LTBP1: variants seen among roughly 807,000 people sequenced by gnomAD.
LTBP1 encodes the protein latent transforming growth factor beta binding protein 1, also known as latent-transforming growth factor beta-binding protein 1.
LTBP1 carries 129 observed loss-of-function variants against 207.6 expected under a neutral mutation model. The ratio of observed to expected loss-of-function variants is 0.62; its 90% confidence interval spans 0.54 to 0.72. The LOEUF (loss-of-function observed/expected upper bound fraction) is 0.72, where lower values mean the gene tolerates loss of function less well. LTBP1 is among the 30% of genes least tolerant of loss of function. The pLI, the probability that LTBP1 is intolerant of heterozygous loss-of-function variation, is 0.00. For synonymous variants in LTBP1, 963 were observed against 833.7 expected (o/e 1.16, Z -2.67); for missense variants, 2,281 against 2,217.2 (o/e 1.03, Z -0.58).
chr2:33,082,338 A>G (rs531355344), intron 3 of LTBP1, among the ~76,000 whole-genome samples: 13 of 150,916 alleles, frequency 8.6e-5, no homozygotes, highest in Non-Finnish European at 1.2e-4. Context: ...CCTAGTCTGT[A>G]GTATTGTTAT....
At chr2:33,281,108 C>T (rs185806148) in intron 19 of LTBP1, among the ~76,000 whole-genome samples, 70 of 152,228 alleles carry the variant, frequency 4.6e-4, no homozygotes, top group Non-Finnish European at 7.4e-4. Flanking sequence ...TGTATATCCC[C>T]AGAGTTGTAC....
intron 31 of LTBP1, among the ~76,000 whole-genome samples, chr2:33,378,315 T>C (rs1433660867): frequency 6.6e-6 from 1 of 151,778 alleles, no homozygotes; most frequent in Non-Finnish European, 1.5e-5. Flanking sequence ...AACTTCTGCC[T>C]CCTGGGTTCA....
chr2:33,387,561 T>G (rs1322254841), intron 31 of LTBP1, among the ~76,000 whole-genome samples: 2 of 152,188 alleles, frequency 1.3e-5, no homozygotes, highest in African/African-American at 4.8e-5. Context: ...CCCTATCCAG[T>G]GGTTCAAGGT....
chr2:33,350,123 A>G (rs985502164), intron 26 of LTBP1, among the ~76,000 whole-genome samples: 4 of 152,272 alleles, frequency 2.6e-5, no homozygotes, highest in African/African-American at 7.2e-5. Flanking sequence ...TTTTTAGACT[A>G]GGATTCAAAT....
At chr2:33,142,208 C>T (rs1158964773) in intron 5 of LTBP1, among the ~76,000 whole-genome samples, 3 of 152,002 alleles carry the variant, frequency 2.0e-5, no homozygotes, top group African/African-American at 4.8e-5. Flanking sequence ...CCCACCACCA[C>T]GCCCGGCTAA....
intron 30 of LTBP1, among the ~76,000 whole-genome samples, chr2:33,364,709 A>T (rs1318144950): frequency 6.6e-6 from 1 of 152,194 alleles, no homozygotes; most frequent in Non-Finnish European, 1.5e-5. Flanking sequence ...GAGGATGTGG[A>T]TAAGGCTCAG....
intron 3 of LTBP1, among the ~76,000 whole-genome samples, chr2:33,088,090 G>A (rs906531301): frequency 1.3e-5 from 2 of 152,210 alleles, no homozygotes; most frequent in Non-Finnish European, 2.9e-5. Flanking sequence ...ATAATACAAA[G>A]TTTTACAAAT....
intron 20 of LTBP1, among the ~76,000 whole-genome samples, chr2:33,296,748 A>G (rs1466014769): frequency 3.9e-5 from 6 of 152,164 alleles, no homozygotes; most frequent in Admixed American, 6.5e-5. Context: ...TTTTAAAAAA[A>G]GGCAGCATAT....
At chr2:33,182,471 G>T (rs1470305833) in intron 5 of LTBP1, among the ~76,000 whole-genome samples, 1 of 151,552 alleles carries the variant, frequency 6.6e-6, no homozygotes, top group African/African-American at 2.4e-5. Flanking sequence ...AACCATCCTG[G>T]CTAACACGGT....
At chr2:33,272,713 G>A (rs928916110) in intron 15 of LTBP1, among the ~76,000 whole-genome samples, 8 of 152,228 alleles carry the variant, frequency 5.3e-5, no homozygotes, top group African/African-American at 9.6e-5. Flanking sequence ...AAGGGCAGCA[G>A]CATTTGTGCC....
intron 3 of LTBP1, among the ~76,000 whole-genome samples, chr2:33,044,335 A>C (rs1284768137): frequency 6.6e-6 from 1 of 151,226 alleles, no homozygotes; most frequent in Non-Finnish European, 1.5e-5. Flanking sequence ...TCATTGTTCA[A>C]CTCCCACTTA....
intron 9 of LTBP1, among the ~76,000 whole-genome samples, chr2:33,224,102 A>C (rs528078929): frequency 1.5e-4 from 23 of 152,278 alleles, no homozygotes; most frequent in Middle Eastern, 6.8e-3. Context: ...TGGGCCATCT[A>C]ACCTTATATG....
At chr2:33,287,594 C>G (rs1318306792) in intron 19 of LTBP1, among the ~76,000 whole-genome samples, 3 of 152,146 alleles carry the variant, frequency 2.0e-5, no homozygotes, top group Admixed American at 1.3e-4. Context: ...AGATAAAATG[C>G]TCCTTTGGAA....
At chr2:33,210,169 G>C (rs1222544466) in intron 7 of LTBP1, among the ~76,000 whole-genome samples, 2 of 152,312 alleles carry the variant, frequency 1.3e-5, no homozygotes, top group South Asian at 4.1e-4. Context: ...CTGGGAGTTT[G>C]CTTTGTGTTC....
At chr2:33,161,206 CAAT>C (rs886475973) in intron 5 of LTBP1, among the ~76,000 whole-genome samples, 5 of 150,382 alleles carry the variant, frequency 3.3e-5, no homozygotes, top group Non-Finnish European at 5.9e-5. Flanking sequence ...AGAAATCCAA[CAAT>C]TGTTAGTATC....
At chr2:33,253,002 T>G (rs1408568712) in intron 11 of LTBP1, among the ~76,000 whole-genome samples, 158 bp downstream of exon 11, 1 of 152,256 alleles carries the variant, frequency 6.6e-6, no homozygotes, top group East Asian at 1.9e-4. Context: ...ACATACAATG[T>G]TGAATCAGTG....
intron 31 of LTBP1, among the ~76,000 whole-genome samples, chr2:33,388,095 T>G (rs1197395394): frequency 6.6e-6 from 1 of 152,208 alleles, no homozygotes; most frequent in Non-Finnish European, 1.5e-5. Flanking sequence ...CTAGACCTTC[T>G]CAATAACTCT....
chr2:33,351,587 C>T lies in LTBP1; in HGVS notation c.4000+4077C>T, dbSNP rs550342894. Among the ~76,000 whole-genome samples the T allele has an allele frequency of 3.7e-4, 57 of 152,334 alleles. 1 individual carries two copies. The highest frequency in any genetic ancestry group is 3.4e-3 in the Middle Eastern group (1 of 294). ...GGACATCCATATTCCCCTGTCTCAACAGAACCGTTTTCCATTTGACCTTCA... is the reference window on the plus strand; with the variant it reads ...GGACATCCATATTCCCCTGTCTCAATAGAACCGTTTTCCATTTGACCTTCA... On this transcript the variant is annotated intron_variant, in intron 26 of 33. Coordinates refer to ENST00000404816, the MANE Select transcript of LTBP1 (RefSeq NM_206943.4).
chr2:33,181,471 A>G (rs1306491946), intron 5 of LTBP1, among the ~76,000 whole-genome samples: 2 of 152,234 alleles, frequency 1.3e-5, no homozygotes, highest in African/African-American at 4.8e-5. Flanking sequence ...TTCTTCCAGC[A>G]TGGATCCTTT....
Sources: gnomAD v4.1 joint callset for allele counts (sites outside exome capture counted in the v4.1 genomes callset) on GRCh38, gnomAD v4.1.1 for gene constraint, MANE v1.5 for transcripts, NCBI Gene and HGNC (gene_info 2026-07-23, HGNC 2026-07-21) for gene names.